SKAP1: variants seen among roughly 807,000 people sequenced by gnomAD.
SKAP1 encodes src kinase associated phosphoprotein 1.
In SKAP1, 44 loss-of-function variants were observed where a neutral mutation model predicts 58.5. The ratio of observed to expected loss-of-function variants is 0.75; its 90% confidence interval spans 0.59 to 0.97. The LOEUF is 0.97. Among genes scored for constraint, SKAP1 ranks in the 50% least tolerant of loss-of-function variants. The pLI is 0.00. For missense variants in SKAP1, 390 were observed against 435.2 expected, an observed-to-expected ratio of 0.90 and a Z score of 0.92; for synonymous variants, 127 against 149.7, an observed-to-expected ratio of 0.85 and a Z score of 1.11.
chr17:48,284,332 T>C (rs2065803930), intron 4 of SKAP1, among the ~76,000 whole-genome samples: 1 of 152,168 alleles, frequency 6.6e-6, no homozygotes, highest in African/African-American at 2.4e-5. Context: ...TTATGGTGGG[T>C]TTGAAACACT....
rs576234525 is a variant in SKAP1 at position 48,374,546 on chromosome 17, C to T, written c.153-10732G>A. On this transcript the variant is annotated intron_variant, in intron 2 of 12. Coordinates refer to ENST00000336915, the MANE Select transcript of SKAP1 (RefSeq NM_003726.4). ...GGATTCAGACGGACACCTAGTTGGG[C>T]ATGGATTCCATGCAAGTTGATAAGG... Among the ~76,000 whole-genome samples the T allele has an allele frequency of 3.9e-5, 6 of 152,282 alleles. No homozygotes were observed. In the East Asian group the frequency reaches 1.2e-3, roughly 29 times the overall value.
chr17:48,264,745 A>AACACACACACAC (rs55733017), intron 4 of SKAP1, among the ~76,000 whole-genome samples: 7,467 of 142,704 alleles, frequency 0.052, 193 homozygotes, highest in Non-Finnish European at 0.062. Flanking sequence ...AAATCTACAA[A>AACACACACACAC]ACACACACAC....
chr17:48,260,271 A>T (rs540652560), intron 4 of SKAP1, among the ~76,000 whole-genome samples: 1 of 152,200 alleles, frequency 6.6e-6, no homozygotes. Context: ...TTAAGAAGCC[A>T]TTAAGAAATC....
At chr17:48,221,648 C>T (rs2065007904) in intron 4 of SKAP1, among the ~76,000 whole-genome samples, 4 of 152,126 alleles carry the variant, frequency 2.6e-5, no homozygotes, top group Admixed American at 2.6e-4. Context: ...TCTGTTCGTG[C>T]CGCAAGAGAA....
chr17:48,199,998 T>C (rs1158304629), intron 4 of SKAP1, among the ~76,000 whole-genome samples: 2 of 151,790 alleles, frequency 1.3e-5, no homozygotes, highest in South Asian at 2.1e-4. Flanking sequence ...AAGAATTAGA[T>C]TGAGGAGGAA....
intron 11 of SKAP1, among the ~76,000 whole-genome samples, chr17:48,145,437 C>A (rs73985487): frequency 6.6e-6 from 1 of 151,694 alleles, no homozygotes; most frequent in South Asian, 2.1e-4. Flanking sequence ...AAAACCCTAC[C>A]AAACCTGCCA....
At chr17:48,305,164 G>A (rs998744015) in intron 4 of SKAP1, among the ~76,000 whole-genome samples, 2 of 152,048 alleles carry the variant, frequency 1.3e-5, no homozygotes, top group Non-Finnish European at 2.9e-5. Flanking sequence ...TCAAGTTTTT[G>A]TTGTTGTTGT....
chr17:48,235,346 C>A (rs1054799646), intron 4 of SKAP1, among the ~76,000 whole-genome samples: 4 of 152,120 alleles, frequency 2.6e-5, no homozygotes, highest in African/African-American at 9.7e-5. Context: ...CATTCAGCAT[C>A]ACCATGGTTG....
chr17:48,193,675 G>C, intron 4 of SKAP1: 1 of 984,792 alleles, frequency 1.0e-6, no homozygotes, highest in South Asian at 4.7e-5. Context: ...TGTCAGCGCA[G>C]GGTCCTACTG....
chr17:48,380,550 A>G (rs982434595), intron 2 of SKAP1, among the ~76,000 whole-genome samples: 1 of 152,224 alleles, frequency 6.6e-6, no homozygotes, highest in African/African-American at 2.4e-5. Flanking sequence ...CCCCAGACCT[A>G]GTGAATTAGC....
chr17:48,444,899 G>A, the SKAP1 span, among the ~76,000 whole-genome samples: 1 of 152,154 alleles, frequency 6.6e-6, no homozygotes, highest in Non-Finnish European at 1.5e-5. Context: ...TCCCAGAAGG[G>A]AAGAAGACAA....
Position 48,258,531 on chromosome 17 carries a change from T to A in SKAP1, c.281-69031A>T, listed in dbSNP as rs561179701. ...GCACTGCATGTTAACAAGATTTATA[T>A]ACATTACTGGTGCCGTTAAGGAAAC... On this transcript the variant is annotated intron_variant, in intron 4 of 12. Transcript: ENST00000336915. Among the ~76,000 whole-genome samples, 5 of 152,258 alleles carry A rather than the reference T, an allele frequency of 3.3e-5. 1 individual carries two copies. In the East Asian group the frequency reaches 9.6e-4, roughly 29 times the overall value.
intron 4 of SKAP1, among the ~76,000 whole-genome samples, chr17:48,222,289 G>T (rs2065015137): frequency 6.6e-6 from 1 of 151,988 alleles, no homozygotes; most frequent in Non-Finnish European, 1.5e-5. Context: ...TATCATCTAG[G>T]ATTTTCTAGA....
At chr17:48,284,975 T>C (rs9911479) in intron 4 of SKAP1, among the ~76,000 whole-genome samples, 26,313 of 152,166 alleles carry the variant, frequency 0.17, 2,326 homozygotes, top group Non-Finnish European at 0.19. Context: ...TTGAAAGACA[T>C]TGAGGTATGG....
chr17:48,402,487 G>A (rs1439734424), intron 1 of SKAP1, among the ~76,000 whole-genome samples: 1 of 152,124 alleles, frequency 6.6e-6, no homozygotes, highest in East Asian at 1.9e-4. Context: ...ATGCCACCAT[G>A]CTGGGTTAAT....
At chr17:48,152,956 TTCTG>T (rs1263518716) in intron 11 of SKAP1, among the ~76,000 whole-genome samples, 6 of 152,110 alleles carry the variant, frequency 3.9e-5, no homozygotes, top group Admixed American at 3.9e-4. Context: ...AGGTAAACGT[TTCTG>T]TCTGGGCTTC....
At chr17:48,297,285 C>G (rs1053789660) in intron 4 of SKAP1, among the ~76,000 whole-genome samples, 4 of 152,108 alleles carry the variant, frequency 2.6e-5, no homozygotes, top group African/African-American at 9.7e-5. Context: ...AAACTAAGTA[C>G]ATATAAATAA....
intron 10 of SKAP1, among the ~76,000 whole-genome samples, chr17:48,170,023 C>T (rs1450195044): frequency 6.6e-6 from 1 of 152,182 alleles, no homozygotes; most frequent in East Asian, 1.9e-4. Flanking sequence ...AAAGGATGGG[C>T]TCACTAACAG....
chr17:48,170,348 A>T (rs1032077131), intron 10 of SKAP1, among the ~76,000 whole-genome samples: 1 of 152,230 alleles, frequency 6.6e-6, no homozygotes, highest in African/African-American at 2.4e-5. Context: ...AGGAAAAAAT[A>T]AATGTCTGGT....
Sources: gnomAD v4.1 joint callset for allele counts (sites outside exome capture counted in the v4.1 genomes callset) on GRCh38, gnomAD v4.1.1 for gene constraint, MANE v1.5 for transcripts, NCBI Gene and HGNC (gene_info 2026-07-23, HGNC 2026-07-21) for gene names.